Variants in BEND6 observed in about 807,000 individuals in gnomAD.
The protein encoded by BEND6 is BEN domain containing 6.
In BEND6, 24 loss-of-function variants were observed where a neutral mutation model predicts 31.8. That is an observed-to-expected ratio of 0.75 (90% confidence interval 0.55 to 1.06). BEND6 has a LOEUF of 1.06. Ranked by LOEUF, BEND6 falls within the 50% of genes least tolerant of loss-of-function variation. The pLI is 0.00. For missense variants in BEND6, 294 were observed against 327.4 expected (o/e 0.90, Z 0.79); for synonymous variants, 109 against 114.6 (o/e 0.95, Z 0.31).
intron 3 of BEND6, 29 bp from the exon 4 acceptor site, chr6:57,015,104 G>A (rs1372242520): frequency 1.3e-6 from 2 of 1,583,726 alleles, no homozygotes; most frequent in Non-Finnish European, 1.7e-6. Context: ...AATGGTATTT[G>A]TAAAGTGTAC....
At chr6:56,966,263 G>A (rs891535027) in intron 1 of BEND6, among the ~76,000 whole-genome samples, 4 of 152,172 alleles carry the variant, frequency 2.6e-5, no homozygotes, top group African/African-American at 9.6e-5. Flanking sequence ...CACCACGCCT[G>A]GCTAGTTTTT....
At chr6:56,975,433 A>G (rs1825840094) in intron 1 of BEND6, among the ~76,000 whole-genome samples, 1 of 152,116 alleles carries the variant, frequency 6.6e-6, no homozygotes, top group South Asian at 2.1e-4. Flanking sequence ...TTTGATATTA[A>G]GAAGAAATTC....
chr6:57,017,516 A>G, intron 5 of BEND6, 117 bp downstream of exon 5: 1 of 843,602 alleles, frequency 1.2e-6, no homozygotes, highest in African/African-American at 1.8e-5. Context: ...TGGGAAAGAA[A>G]AATCTTAGGA....
chr6:57,022,416 A>G (rs568438423), intron 6 of BEND6, among the ~76,000 whole-genome samples: 27 of 151,732 alleles, frequency 1.8e-4, no homozygotes, highest in African/African-American at 6.3e-4. Flanking sequence ...GTTGGCAAAG[A>G]GTTTTTCATA....
chr6:56,995,236 C>A lies in BEND6; in HGVS notation c.298+2681C>A, dbSNP rs918353401. Among the ~76,000 whole-genome samples the A allele has an allele frequency of 2.3e-4, 35 of 150,196 alleles. No individual in the cohort carries two copies. In the South Asian group the frequency reaches 2.5e-3, roughly 11 times the overall value. ...TTTCTCCCATTTAAAAAAAAAAAAA[C>A]AAAAACCTCACTTTCAGACCATTTG... is the stretch of plus-strand genomic sequence containing the variant. On this transcript the variant is annotated intron_variant, in intron 3 of 6. Coordinates refer to ENST00000370746, the MANE Select transcript of BEND6 (RefSeq NM_152731.3).
chr6:56,984,442 T>A (rs1478633412), intron 2 of BEND6, among the ~76,000 whole-genome samples: 1 of 152,214 alleles, frequency 6.6e-6, no homozygotes, highest in Non-Finnish European at 1.5e-5. Context: ...CTACAACCGT[T>A]AGCATTAATA....
intron 4 of BEND6, among the ~76,000 whole-genome samples, chr6:57,016,080 C>T (rs1200342851): frequency 6.6e-6 from 1 of 152,110 alleles, no homozygotes; most frequent in Non-Finnish European, 1.5e-5. Context: ...GATACCTATG[C>T]ATTCAGGGTT....
At chr6:57,009,008 G>A (rs1210893459) in intron 3 of BEND6, 3 of 152,176 alleles carry the variant, frequency 2.0e-5, no homozygotes, top group Non-Finnish European at 2.9e-5. Flanking sequence ...ATTATGTTAA[G>A]TGAAATAAGC....
intron 1 of BEND6, among the ~76,000 whole-genome samples, chr6:56,970,454 C>G (rs963802350): frequency 6.6e-6 from 1 of 152,128 alleles, no homozygotes; most frequent in Non-Finnish European, 1.5e-5. Context: ...GGATTACAGG[C>G]GTGAACCACC....
At chr6:57,023,883 T>G (rs1388746694) in intron 6 of BEND6, among the ~76,000 whole-genome samples, 1 of 152,232 alleles carries the variant, frequency 6.6e-6, no homozygotes, top group East Asian at 1.9e-4. Flanking sequence ...CTTTCTTCCT[T>G]TTGTACTGTC....
At chr6:56,992,988 A>C (rs1189760799) in intron 3 of BEND6, among the ~76,000 whole-genome samples, 1 of 152,210 alleles carries the variant, frequency 6.6e-6, no homozygotes, top group Non-Finnish European at 1.5e-5. Context: ...AATCACTGGA[A>C]TTAGAGTCCA....
Position 57,024,495 on chromosome 6 carries a change from GTT to G in BEND6, c.*10-1577_*10-1576del, listed in dbSNP as rs112292989. ...CTGGATACAGTATTTTTGGATGACA[GTT>G]TTTTTTTTTCCTTTGAGCCCTTTGA... On this transcript the variant is annotated intron_variant, in intron 6 of 6. Transcript: ENST00000370746. Among the ~76,000 whole-genome samples, 1,175 of 147,142 alleles carry G rather than the reference GTT, an allele frequency of 8.0e-3. 22 individuals are homozygous for G. The highest frequency in any genetic ancestry group is 0.028 in the African/African-American group (1,135 of 40,448).
intron 3 of BEND6, chr6:57,010,085 T>C (rs1323461576): frequency 6.6e-6 from 1 of 152,192 alleles, no homozygotes. Context: ...ACAAAAAAGC[T>C]AACCAGGCAT....
At chr6:56,990,654 C>T (rs1181160599) in intron 2 of BEND6, among the ~76,000 whole-genome samples, 1 of 152,142 alleles carries the variant, frequency 6.6e-6, no homozygotes, top group Non-Finnish European at 1.5e-5. Context: ...AAACACCCTG[C>T]TGCTTATACT....
At chr6:57,011,172 A>G (rs1233413053) in intron 3 of BEND6, among the ~76,000 whole-genome samples, 1 of 152,240 alleles carries the variant, frequency 6.6e-6, no homozygotes, top group African/African-American at 2.4e-5. Context: ...CTAAGATTAT[A>G]ACCTATCAAA....
At chr6:57,000,164 G>A (rs528411702) in intron 3 of BEND6, among the ~76,000 whole-genome samples, 2 of 152,240 alleles carry the variant, frequency 1.3e-5, no homozygotes, top group Non-Finnish European at 2.9e-5. Context: ...GAAATGTGGG[G>A]AAAACAAAGA....
chr6:57,012,484 G>C (rs1356588652), intron 3 of BEND6, among the ~76,000 whole-genome samples: 1 of 152,160 alleles, frequency 6.6e-6, no homozygotes, highest in Non-Finnish European at 1.5e-5. Context: ...TCTTGATTAG[G>C]TGTGTTTTAA....
chr6:56,973,355 AGTG>A (rs1407788170), intron 1 of BEND6, among the ~76,000 whole-genome samples: 1 of 152,190 alleles, frequency 6.6e-6, no homozygotes, highest in Non-Finnish European at 1.5e-5. Context: ...AAGTACAAGT[AGTG>A]CTCCCTTATC....
At chr6:57,004,105 G>C (rs566664777) in intron 3 of BEND6, among the ~76,000 whole-genome samples, 1 of 152,088 alleles carries the variant, frequency 6.6e-6, no homozygotes, top group African/African-American at 2.4e-5. Flanking sequence ...CATTGCTCTC[G>C]AGAACTGGGA....
Sources: allele counts gnomAD v4.1 joint callset (sites outside exome capture counted in the v4.1 genomes callset), GRCh38; gene constraint gnomAD v4.1.1; transcripts MANE v1.5; gene names NCBI Gene and HGNC (gene_info 2026-07-23, HGNC 2026-07-21).